The following GATAD1 variants were observed in gnomAD, a reference collection of about 807,000 sequenced individuals.
GATAD1 encodes GATA zinc finger domain containing 1.
GATAD1 carries 12 observed loss-of-function variants against 26.5 expected under a neutral mutation model. The observed-to-expected ratio is 0.45, with a 90% CI of 0.29 to 0.73. The LOEUF is 0.73. Ranked by LOEUF, GATAD1 falls within the 30% of genes least tolerant of loss-of-function variation. The pLI is 0.10. For missense variants in GATAD1, 266 were observed against 342.1 expected (o/e 0.78, Z 1.75); for synonymous variants, 129 against 133.1 (o/e 0.97, Z 0.21).
chr7:92,466,485 G>A, the GATAD1 span, among the ~76,000 whole-genome samples: 1 of 152,312 alleles, frequency 6.6e-6, no homozygotes, highest in South Asian at 2.1e-4. Flanking sequence ...AAAGGGTGAA[G>A]GTGCTGTTGG....
chr7:92,493,812 C>G, the GATAD1 span: 4 of 184,990 alleles, frequency 2.2e-5, no homozygotes, highest in East Asian at 5.4e-4. Flanking sequence ...ATACCTTTGA[C>G]TATTCATTTG....
intron 3 of GATAD1, among the ~76,000 whole-genome samples, chr7:92,452,562 G>C (rs1163135658): frequency 6.6e-6 from 1 of 152,206 alleles, no homozygotes; most frequent in Admixed American, 6.5e-5. Context: ...CATGAACTCA[G>C]ATCTGGTGAT....
At chr7:92,448,055 G>C in intron 1 of GATAD1, 77 bp downstream of exon 1, 1 of 1,082,200 alleles carries the variant, frequency 9.2e-7, no homozygotes, top group Non-Finnish European at 1.2e-6. Flanking sequence ...GCTGGGAGCG[G>C]GCGGGCGCGG....
the GATAD1 span, chr7:92,494,050 C>T: frequency 6.4e-4 from 298 of 464,304 alleles, 1 homozygote; most frequent in African/African-American, 5.1e-3. Context: ...AGGTTTCTTG[C>T]ATTTTTTTTT....
chr7:92,456,195 T>C (rs1789663365), intron 4 of GATAD1, among the ~76,000 whole-genome samples, 177 bp from the exon 5 acceptor site: 1 of 152,204 alleles, frequency 6.6e-6, no homozygotes, highest in African/African-American at 2.4e-5. Flanking sequence ...CCATATTCTT[T>C]AAGCCGTTAA....
At chr7:92,460,727 A>G (rs1045301495), downstream of GATAD1, among the ~76,000 whole-genome samples, 2 of 148,870 alleles carry the variant, frequency 1.3e-5, no homozygotes, top group South Asian at 2.1e-4. Context: ...GCAGTGACCC[A>G]TGATTGTGCC....
chr7:92,491,106 G>A, the GATAD1 span: 1 of 595,202 alleles, frequency 1.7e-6, no homozygotes, highest in Non-Finnish European at 3.0e-6. Flanking sequence ...TCTTAACAAG[G>A]AATGCAAATT....
At chr7:92,473,847 G>T in the GATAD1 span, among the ~76,000 whole-genome samples, 3 of 152,184 alleles carry the variant, frequency 2.0e-5, no homozygotes, top group Admixed American at 6.5e-5. Flanking sequence ...CTCTGTGAGG[G>T]TGATGGCATG....
At chr7:92,491,244 A>C in the GATAD1 span, 1 of 1,390,236 alleles carries the variant, frequency 7.2e-7, no homozygotes, top group Non-Finnish European at 1.0e-6. Context: ...ATATTTCAGA[A>C]CTGTATAATG....
downstream of GATAD1, among the ~76,000 whole-genome samples, chr7:92,460,537 T>A (rs1789881208): frequency 6.6e-6 from 1 of 152,168 alleles, no homozygotes; most frequent in Non-Finnish European, 1.5e-5. Flanking sequence ...CAAGGAAGAT[T>A]GCTCGTAGTA....
the GATAD1 span, chr7:92,493,001 A>AT: frequency 6.2e-7 from 1 of 1,613,968 alleles, no homozygotes; most frequent in Non-Finnish European, 8.5e-7. Flanking sequence ...CCAATTGGGC[A>AT]TTGTAAAGTA....
the GATAD1 span, among the ~76,000 whole-genome samples, chr7:92,478,367 G>T: frequency 6.6e-6 from 1 of 152,222 alleles, no homozygotes; most frequent in Admixed American, 6.5e-5. Flanking sequence ...AGGAAGGCAA[G>T]AGAGGTGGTG....
At chr7:92,451,633 G>A (rs996983540) in intron 3 of GATAD1, among the ~76,000 whole-genome samples, 8 of 152,082 alleles carry the variant, frequency 5.3e-5, no homozygotes, top group Admixed American at 5.2e-4. Context: ...TCCTCAGCAG[G>A]GCTGGGAAAA....
At chr7:92,450,909 A>G (rs1205364519) in intron 3 of GATAD1, 149 bp downstream of exon 3, 5 of 579,342 alleles carry the variant, frequency 8.6e-6, no homozygotes, top group Non-Finnish European at 9.3e-6. Flanking sequence ...GTTTTCCCCC[A>G]TAAGTGGCTG....
chr7:92,471,711 C>A, the GATAD1 span: 1 of 152,108 alleles, frequency 6.6e-6, no homozygotes, highest in Non-Finnish European at 1.5e-5. Flanking sequence ...CTGATGACCC[C>A]GGCAGTGTAA....
chr7:92,489,454 T>G, the GATAD1 span: 2 of 1,598,928 alleles, frequency 1.3e-6, no homozygotes, highest in East Asian at 4.5e-5. Context: ...GACGAAGAGT[T>G]AAATTAAGGA....
the GATAD1 span, among the ~76,000 whole-genome samples, chr7:92,484,257 C>G: frequency 6.6e-6 from 1 of 151,932 alleles, no homozygotes; most frequent in African/African-American, 2.4e-5. Flanking sequence ...AGAACACAGG[C>G]TAAGGGAGAA....
chr7:92,473,884 A>G, the GATAD1 span, among the ~76,000 whole-genome samples: 1 of 152,150 alleles, frequency 6.6e-6, no homozygotes, highest in African/African-American at 2.4e-5. Context: ...AGGCACCCTC[A>G]GTCCTGCTGC....
At chr7:92,471,508 G>A in the GATAD1 span, 2 of 152,214 alleles carry the variant, frequency 1.3e-5, no homozygotes, top group Admixed American at 1.3e-4. Context: ...GCCGTCCCGA[G>A]GGGAGAAAAC....
Sources: allele counts gnomAD v4.1 joint callset (sites outside exome capture counted in the v4.1 genomes callset), GRCh38; gene constraint gnomAD v4.1.1; transcripts MANE v1.5; gene names NCBI Gene and HGNC (gene_info 2026-07-23, HGNC 2026-07-21).